The following ARHGAP24 variants were observed in gnomAD, a reference collection of about 807,000 sequenced individuals.
The protein encoded by ARHGAP24 is rho GTPase-activating protein 24.
Under a neutral mutation model 76.4 loss-of-function variants are expected in ARHGAP24, and 50 were observed. The ratio of observed to expected loss-of-function variants is 0.65; its 90% CI spans 0.52 to 0.83. The LOEUF (loss-of-function observed/expected upper bound fraction) is 0.83. Ranked by LOEUF, ARHGAP24 falls within the 40% of genes least tolerant of loss-of-function variation. The pLI, the probability that ARHGAP24 is intolerant of heterozygous loss-of-function variation, is 0.00. For missense variants in ARHGAP24, 930 were observed against 914.2 expected (o/e 1.02, Z -0.22); for synonymous variants, 345 against 323.3 (o/e 1.07, Z -0.72).
chr4:85,683,119 G>GGGGGGGGGGGGGGC (rs1723282244), intron 2 of ARHGAP24, among the ~76,000 whole-genome samples: 1 of 80,004 alleles, frequency 1.2e-5, no homozygotes, highest in African/African-American at 5.1e-5. Flanking sequence ...TGGGGGGGTG[G>GGGGGGGGGGGGGGC]GGGGGGGGTG....
At chr4:85,746,557 G>A (rs1284236129) in intron 3 of ARHGAP24, among the ~76,000 whole-genome samples, 1 of 151,834 alleles carries the variant, frequency 6.6e-6, no homozygotes, top group East Asian at 1.9e-4. Context: ...GATGTCCTTG[G>A]AGGCAGGGGC....
intron 8 of ARHGAP24, among the ~76,000 whole-genome samples, chr4:85,980,032 A>C (rs1739562609): frequency 6.6e-6 from 1 of 152,110 alleles, no homozygotes; most frequent in African/African-American, 2.4e-5. Flanking sequence ...TTTTCTTTGT[A>C]GTATGACAAG....
chr4:85,848,420 G>A (rs995792292), intron 3 of ARHGAP24, among the ~76,000 whole-genome samples: 1 of 152,172 alleles, frequency 6.6e-6, no homozygotes, highest in African/African-American at 2.4e-5. Flanking sequence ...ACCTATGAGT[G>A]AGAACATGCA....
At chr4:85,588,334 T>G (rs1012800314) in intron 2 of ARHGAP24, among the ~76,000 whole-genome samples, 4 of 152,230 alleles carry the variant, frequency 2.6e-5, no homozygotes, top group African/African-American at 9.6e-5. Flanking sequence ...ATTTGTTGTT[T>G]TAAGAGAAAA....
intron 1 of ARHGAP24, among the ~76,000 whole-genome samples, chr4:85,523,795 AT>A (rs1724877987): frequency 6.6e-6 from 1 of 151,564 alleles, no homozygotes; most frequent in Non-Finnish European, 1.5e-5. Context: ...AAGAAAGATT[AT>A]TTTTCTACCT....
At chr4:85,866,690 C>G (rs994406578) in intron 3 of ARHGAP24, among the ~76,000 whole-genome samples, 1 of 152,072 alleles carries the variant, frequency 6.6e-6, no homozygotes, top group African/African-American at 2.4e-5. Flanking sequence ...CTGCTCTGGT[C>G]GGCAGATCTG....
At chr4:85,833,104 T>A (rs567607533) in intron 3 of ARHGAP24, among the ~76,000 whole-genome samples, 1 of 152,352 alleles carries the variant, frequency 6.6e-6, no homozygotes, top group East Asian at 1.9e-4. Context: ...GAAAATATTG[T>A]AGACTGATTT....
chr4:85,771,948 A>G (rs1236130556), intron 3 of ARHGAP24, among the ~76,000 whole-genome samples: 2 of 152,162 alleles, frequency 1.3e-5, no homozygotes, highest in Non-Finnish European at 2.9e-5. Flanking sequence ...ACCTTAAGTG[A>G]TCCACCCACC....
intron 3 of ARHGAP24, among the ~76,000 whole-genome samples, chr4:85,755,626 G>GATTTTTT (rs1726448976): frequency 8.5e-6 from 1 of 117,372 alleles, no homozygotes; most frequent in Non-Finnish European, 1.8e-5. Context: ...CTATTCTTTT[G>GATTTTTT]TTTTGTTTTG....
intron 3 of ARHGAP24, among the ~76,000 whole-genome samples, chr4:85,792,364 A>G (rs1159015663): frequency 3.3e-5 from 5 of 152,196 alleles, no homozygotes; most frequent in South Asian, 2.1e-4. Context: ...CGTGTTACCA[A>G]TATAAAAGCC....
chr4:85,653,188 G>A (rs1722010265), intron 2 of ARHGAP24, among the ~76,000 whole-genome samples: 1 of 151,958 alleles, frequency 6.6e-6, no homozygotes. Flanking sequence ...ATGATCTTGG[G>A]GATCTTCTAT....
rs1484900260 is a variant in ARHGAP24 at position 85,510,838 on chromosome 4, TC to T, written c.-21+35280del. ...CTCCTCCTCCTTCTCTCTCGCTCTC[TC>T]TCTCTTCCTCTGAGTCTCTATTCTC... On this transcript the variant is annotated intron_variant, in intron 1 of 9. Coordinates refer to ENST00000395184, the MANE Select transcript of ARHGAP24 (RefSeq NM_001025616.3). Among the ~76,000 whole-genome samples, 573 of 146,366 alleles carry T rather than the reference TC, an allele frequency of 3.9e-3. 4 individuals are homozygous for T. The highest frequency in any genetic ancestry group is 8.0e-3 in the South Asian group (35 of 4,368).
At position 85,972,118 on chromosome 4, in the gene ARHGAP24, T is replaced by C. The variant is rs1249473611; in HGVS notation, c.682T>C (p.Tyr228His). 1 of 1,613,864 alleles carries C rather than the reference T, an allele frequency of 6.2e-7. No homozygotes were observed. The highest frequency in any genetic ancestry group is 1.1e-5 in the South Asian group (1 of 91,058). ...AGAACCAGTTATTCCTTATGCGAAG[T>C]ATGAAGATTTTTTGTCATGTGCCAA... ...LPEPVIPYAK[Y>H]EDFLSCAKLL... Residue 228 changes from tyrosine (Y) to histidine (H), a missense_variant, in exon 6 of 10, where the codon TAT (tyrosine) becomes CAT (histidine). Tyr to His is a moderately conservative substitution (Grantham distance 83). Transcript: ENST00000395184.
chr4:85,938,840 T>TC (rs1736799164), intron 4 of ARHGAP24, among the ~76,000 whole-genome samples: 1 of 152,146 alleles, frequency 6.6e-6, no homozygotes, highest in South Asian at 2.1e-4. Flanking sequence ...TTTTTTTTTT[T>TC]CTGACCTCCC....
At chr4:85,954,935 A>T (rs906115722) in intron 5 of ARHGAP24, among the ~76,000 whole-genome samples, 8 of 152,212 alleles carry the variant, frequency 5.3e-5, no homozygotes, top group African/African-American at 1.9e-4. Context: ...ACTTGAACCC[A>T]GGAGGCGGAG....
chr4:85,923,628 T>G lies in ARHGAP24; in HGVS notation c.269-20T>G. On this transcript the variant is annotated intron_variant, in intron 3 of 9. Coordinates refer to ENST00000395184, the MANE Select transcript of ARHGAP24 (RefSeq NM_001025616.3). ...ATCTCTGGATGCAACTTCAGCTGCATTGTTACTGTGTTTTCACAGGAGGCG... is the reference window on the plus strand; with the variant it reads ...ATCTCTGGATGCAACTTCAGCTGCAGTGTTACTGTGTTTTCACAGGAGGCG... 1 of 1,613,290 alleles carries G rather than the reference T, an allele frequency of 6.2e-7. No individual in the cohort carries two copies. The highest frequency in any genetic ancestry group is 8.5e-7 in the Non-Finnish European group (1 of 1,179,570).
chr4:85,584,609 A>G (rs72613142), intron 2 of ARHGAP24, among the ~76,000 whole-genome samples: 37,633 of 151,996 alleles, frequency 0.25, 6,645 homozygotes, highest in East Asian at 0.85. Flanking sequence ...AAAGAAAAAA[A>G]TCTATATCCC....
Position 85,570,651 on chromosome 4 carries a change from A to C in ARHGAP24, c.110A>C (p.His37Pro). Residue 37 changes from histidine (H) to proline (P), a missense_variant, in exon 2 of 10, where the codon CAT becomes CCT. Transcript: ENST00000395184. ...RKQGGFVKTW[H>P]TRWFVLKGDQ... ...CAAGGAGGCTTTGTCAAGACTTGGC[A>C]TACTCGCTGGTTTGTGCTCAAGGGG... is the stretch of plus-strand genomic sequence containing the variant. 2.5e-6 allele frequency: 4 copies of C among 1,614,144 alleles called. No homozygotes were observed. Among genetic ancestry groups the C allele is most frequent in the South Asian group, 1.1e-5 (1 of 91,072 alleles).
intron 1 of ARHGAP24, among the ~76,000 whole-genome samples, chr4:85,526,652 A>G (rs1725012273): frequency 6.6e-6 from 1 of 152,034 alleles, no homozygotes; most frequent in Non-Finnish European, 1.5e-5. Context: ...TTATCAAACT[A>G]ACTTTTATCC....
Sources: gnomAD v4.1 joint callset for allele counts (sites outside exome capture counted in the v4.1 genomes callset) on GRCh38, gnomAD v4.1.1 for gene constraint, MANE v1.5 for transcripts, NCBI Gene and HGNC (gene_info 2026-07-23, HGNC 2026-07-21) for gene names.